The following PDGFC variants were observed in gnomAD, a reference collection of about 807,000 sequenced individuals.
PDGFC encodes the protein platelet derived growth factor C.
A neutral mutation model predicts 35.5 loss-of-function variants in PDGFC; 12 were observed. The ratio of observed to expected loss-of-function variants is 0.34; its 90% CI spans 0.22 to 0.55. The LOEUF (loss-of-function observed/expected upper bound fraction) is 0.55. PDGFC is among the 20% of genes least tolerant of loss of function. The pLI, the probability that PDGFC is intolerant of heterozygous loss-of-function variation, is 0.91. For missense variants in PDGFC, 322 were observed against 412.4 expected (o/e 0.78, Z 1.90); for synonymous variants, 159 against 148.8 (o/e 1.07, Z -0.50).
chr4:156,890,950 T>G (rs1039291236), intron 1 of PDGFC, among the ~76,000 whole-genome samples: 1 of 152,014 alleles, frequency 6.6e-6, no homozygotes, highest in African/African-American at 2.4e-5. Flanking sequence ...CACGTGTCCC[T>G]TAAGGATGGG....
At chr4:156,964,699 A>G (rs1471162430) in intron 1 of PDGFC, among the ~76,000 whole-genome samples, 1 of 152,112 alleles carries the variant, frequency 6.6e-6, no homozygotes, top group Admixed American at 6.6e-5. Flanking sequence ...ACATAAGGAA[A>G]AATGTATCAC....
intron 2 of PDGFC, among the ~76,000 whole-genome samples, chr4:156,824,321 T>TACACAC (rs1282230939): frequency 3.5e-4 from 34 of 96,258 alleles, no homozygotes; most frequent in African/African-American, 1.7e-3. Context: ...TATATATATA[T>TACACAC]ATATATACAC....
intron 3 of PDGFC, among the ~76,000 whole-genome samples, chr4:156,792,274 TG>T (rs1309189392): frequency 1.3e-5 from 2 of 152,154 alleles, no homozygotes; most frequent in Admixed American, 1.3e-4. Context: ...CAGGTTCCAC[TG>T]GAGGTACAAT....
At chr4:156,928,180 T>C (rs1731462268) in intron 1 of PDGFC, among the ~76,000 whole-genome samples, 1 of 152,128 alleles carries the variant, frequency 6.6e-6, no homozygotes, top group African/African-American at 2.4e-5. Flanking sequence ...GGGAGCACAA[T>C]TCAAGATGAG....
In PDGFC at chr4:156,800,580, G is replaced by C. The variant is rs1262482130; in HGVS notation, c.495+10257C>G. ...TGATTATTTATGAGAATACTGATGA[G>C]AGTAGCATTTTCTCAAATGTGTGGA... is the stretch of plus-strand genomic sequence containing the variant. On this transcript the variant is annotated intron_variant, in intron 3 of 5. Coordinates refer to ENST00000502773, the MANE Select transcript of PDGFC (RefSeq NM_016205.3). 8.5e-5 allele frequency among the ~76,000 whole-genome samples: 13 copies of C among 152,182 alleles called. 1 individual carries two copies.
chr4:156,820,676 T>C (rs1392119253), intron 2 of PDGFC, among the ~76,000 whole-genome samples: 1 of 152,110 alleles, frequency 6.6e-6, no homozygotes, highest in African/African-American at 2.4e-5. Flanking sequence ...AGTTCATGAA[T>C]ATGAAGATGA....
chr4:156,888,371 T>C (rs915902308), intron 1 of PDGFC, among the ~76,000 whole-genome samples: 1 of 152,132 alleles, frequency 6.6e-6, no homozygotes, highest in African/African-American at 2.4e-5. Flanking sequence ...ATAATCAACT[T>C]TGTGCACATA....
intron 1 of PDGFC, among the ~76,000 whole-genome samples, chr4:156,920,734 T>G (rs963512862): frequency 2.0e-5 from 3 of 152,066 alleles, no homozygotes; most frequent in African/African-American, 7.2e-5. Flanking sequence ...GGAATAGTTA[T>G]GCCTAAGAAT....
At chr4:156,918,069 T>C (rs1731191894) in intron 1 of PDGFC, among the ~76,000 whole-genome samples, 1 of 152,220 alleles carries the variant, frequency 6.6e-6, no homozygotes, top group Non-Finnish European at 1.5e-5. Flanking sequence ...CCTAATACTT[T>C]ACAAAGCTTA....
chr4:156,861,810 T>C (rs542982719), intron 1 of PDGFC, among the ~76,000 whole-genome samples: 1 of 152,274 alleles, frequency 6.6e-6, no homozygotes, highest in African/African-American at 2.4e-5. Context: ...ACTCAACTAA[T>C]AGCTATTGAG....
chr4:156,963,885 A>G (rs1034816977), intron 1 of PDGFC, among the ~76,000 whole-genome samples: 43 of 152,106 alleles, frequency 2.8e-4, no homozygotes, highest in African/African-American at 1.0e-3. Flanking sequence ...CAGATTTGGG[A>G]ACTTTGCAAA....
Position 156,933,211 on chromosome 4 carries a change from T to C in PDGFC, c.118+37575A>G, listed in dbSNP as rs531486064. 2.0e-5 allele frequency among the ~76,000 whole-genome samples: 3 copies of C among 152,338 alleles called. No homozygotes were observed. In the South Asian group the frequency reaches 6.2e-4, roughly 32 times the overall value. ...AGCTATTAGCTGTATGTTCTTGTCATAAAGTGAAATGAAATGCTGCTTATA... is the reference window on the plus strand; with the variant it reads ...AGCTATTAGCTGTATGTTCTTGTCACAAAGTGAAATGAAATGCTGCTTATA... On this transcript the variant is annotated intron_variant, in intron 1 of 5. Coordinates refer to ENST00000502773, the MANE Select transcript of PDGFC (RefSeq NM_016205.3).
At chr4:156,876,716 T>C (rs1188354158) in intron 1 of PDGFC, 1 of 152,190 alleles carries the variant, frequency 6.6e-6, no homozygotes, top group African/African-American at 2.4e-5. Context: ...TTCTTCATAA[T>C]ATAGAGCTTC....
At chr4:156,917,298 T>C (rs1041152115) in intron 1 of PDGFC, among the ~76,000 whole-genome samples, 7 of 152,212 alleles carry the variant, frequency 4.6e-5, no homozygotes, top group Non-Finnish European at 8.8e-5. Context: ...TTATCACACA[T>C]GGCAAGTCTA....
rs376617262 is a variant in PDGFC, at chr4:156,897,835, C to A, written c.119-47419G>T. 1.2e-4 allele frequency among the ~76,000 whole-genome samples: 18 copies of A among 152,226 alleles called. No homozygotes were observed. In the East Asian group the frequency reaches 2.1e-3, roughly 18 times the overall value. On this transcript the variant is annotated intron_variant, in intron 1 of 5. Transcript: ENST00000502773. The stretch of plus-strand genomic sequence containing the variant: ...GAGCCCCTTTAACTCTTCATTATAA[C>A]TAAGAACATAAGTAACTAATGATGG...
intron 1 of PDGFC, among the ~76,000 whole-genome samples, chr4:156,892,991 C>T (rs936539660): frequency 1.2e-4 from 18 of 152,088 alleles, no homozygotes; most frequent in African/African-American, 4.3e-4. Context: ...CACTATCCAC[C>T]CCTACCACAC....
chr4:156,830,024 G>A (rs1473567529), intron 2 of PDGFC, among the ~76,000 whole-genome samples: 1 of 152,028 alleles, frequency 6.6e-6, no homozygotes, highest in Non-Finnish European at 1.5e-5. Flanking sequence ...CTTCAAAAAT[G>A]TATCTGAAAA....
chr4:156,818,495 T>A (rs1467478908), intron 2 of PDGFC, among the ~76,000 whole-genome samples: 2 of 148,898 alleles, frequency 1.3e-5, no homozygotes, highest in African/African-American at 2.5e-5. Flanking sequence ...CCTTCCTCAC[T>A]AAGTGTCATT....
In PDGFC at chr4:156,943,794, T is replaced by G. The variant is rs529929890; in HGVS notation, c.118+26992A>C. Among the ~76,000 whole-genome samples, 38 of 152,118 alleles carry G rather than the reference T, an allele frequency of 2.5e-4. 1 individual carries two copies. The highest frequency in any genetic ancestry group is 4.3e-4 in the Non-Finnish European group (29 of 68,004). ...TAGAGAATTAAGTGCTCAGAAGGGT[T>G]AAGTGGTGAAGTCAAGATCATGTAA... On this transcript the variant is annotated intron_variant, in intron 1 of 5. Coordinates refer to ENST00000502773, the MANE Select transcript of PDGFC (RefSeq NM_016205.3).
Sources: gnomAD v4.1 joint callset for allele counts (sites outside exome capture counted in the v4.1 genomes callset) on GRCh38, gnomAD v4.1.1 for gene constraint, MANE v1.5 for transcripts, NCBI Gene and HGNC (gene_info 2026-07-23, HGNC 2026-07-21) for gene names.